SYNE1: variants seen among roughly 807,000 people sequenced by gnomAD.
SYNE1 encodes nesprin-1.
Under a neutral mutation model 1,111.0 loss-of-function variants are expected in SYNE1, and 616 were observed. That is an observed-to-expected ratio of 0.55 (90% confidence interval 0.52 to 0.59). The LOEUF (loss-of-function observed/expected upper bound fraction) is 0.59. Among genes scored for constraint, SYNE1 ranks in the 20% least tolerant of loss-of-function variants. The probability of loss-of-function intolerance (pLI) is 0.00; values close to 1 mark genes in which losing one functional copy is unlikely to be tolerated. For missense variants in SYNE1, 10,006 were observed against 10,417.0 expected (o/e 0.96, Z 1.72); for synonymous variants, 3,855 against 3,825.8 (o/e 1.01, Z -0.28).
At chr6:152,312,334 C>T (rs1206334249) in intron 87 of SYNE1, among the ~76,000 whole-genome samples, 1 of 150,442 alleles carries the variant, frequency 6.6e-6, no homozygotes, top group African/African-American at 2.4e-5. Flanking sequence ...CTCAGCTTCC[C>T]GAGTAGCTGG....
rs1380772436 is a variant in SYNE1 at position 152,594,189 on chromosome 6, C to T, written c.67+34076G>A. Among the ~76,000 whole-genome samples, 5 of 152,244 alleles carry T rather than the reference C, an allele frequency of 3.3e-5. No homozygotes were observed. In the South Asian group the frequency reaches 8.3e-4, roughly 25 times the overall value. On this transcript the variant is annotated intron_variant, in intron 3 of 145. Coordinates refer to ENST00000367255, the MANE Select transcript of SYNE1 (RefSeq NM_182961.4). ...GCCATTCTGTGTGGGACAGGGATCA[C>T]TGTAAGGAATAGTCATAAGACTGAT...
intron 3 of SYNE1, among the ~76,000 whole-genome samples, chr6:152,622,620 G>A (rs1451138317): frequency 1.3e-5 from 2 of 152,114 alleles, no homozygotes; most frequent in Admixed American, 1.3e-4. Context: ...TGGCTGCATA[G>A]TATTCCATGG....
intron 93 of SYNE1, among the ~76,000 whole-genome samples, chr6:152,298,556 C>G (rs1036088245): frequency 6.6e-6 from 1 of 151,062 alleles, no homozygotes; most frequent in Admixed American, 6.6e-5. Context: ...ACAGCAGGCA[C>G]AAAACCTTTT....
At chr6:152,439,301 C>T (rs538343259) in intron 32 of SYNE1, among the ~76,000 whole-genome samples, 2 of 152,290 alleles carry the variant, frequency 1.3e-5, no homozygotes, top group Admixed American at 1.3e-4. Context: ...GAAACTCTGG[C>T]TGGAACGTGG....
intron 2 of SYNE1, 58 bp from the exon 3 acceptor site, chr6:152,628,612 A>C (rs1307866634): frequency 2.3e-6 from 1 of 433,396 alleles, no homozygotes; most frequent in East Asian, 3.9e-5. Flanking sequence ...AGGTCACCAC[A>C]GTGCTAAAAG....
In SYNE1 at chr6:152,121,970, G is replaced by GT. The variant is rs2051491755; in HGVS notation, c.*465dup. 2 of 167,182 alleles carry GT rather than the reference G, an allele frequency of 1.2e-5. No homozygotes were observed. The highest frequency in any genetic ancestry group is 1.5e-4 in the East Asian group (1 of 6,464). The allele number at this position is 167,182 out of a possible 1,614,324, so 10.4% of individuals were successfully genotyped here. Reference sequence around the variant, plus strand: ...GCTGCCATATAAGCTCTTAAAAATTGTATGTTACAAGGTTCTAAAATCTCT... The same window carrying GT: ...GCTGCCATATAAGCTCTTAAAAATTGTTATGTTACAAGGTTCTAAAATCTCT... On this transcript the variant is annotated 3_prime_UTR_variant, in exon 146 of 146. Transcript: ENST00000367255.
intron 133 of SYNE1, among the ~76,000 whole-genome samples, chr6:152,154,445 T>TACACACACACACAC (rs56398921): frequency 7.0e-6 from 1 of 143,176 alleles, no homozygotes; most frequent in African/African-American, 2.6e-5. Flanking sequence ...TTTTATCAAA[T>TACACACACACACAC]ACACACACAC....
intron 49 of SYNE1, among the ~76,000 whole-genome samples, chr6:152,397,243 C>T (rs2097748589): frequency 6.6e-6 from 1 of 152,196 alleles, no homozygotes; most frequent in Non-Finnish European, 1.5e-5. Flanking sequence ...TTCTCAGTCT[C>T]TCCCCATTCT....
At chr6:152,551,158 C>CA (rs956723139) in intron 3 of SYNE1, among the ~76,000 whole-genome samples, 15 of 152,012 alleles carry the variant, frequency 9.9e-5, no homozygotes, top group Non-Finnish European at 2.9e-5. Context: ...ATGAAAATAC[C>CA]TTTTACCTTG....
chr6:152,335,154 A>T (rs1234519005), intron 76 of SYNE1: 1 of 152,206 alleles, frequency 6.6e-6, no homozygotes, highest in Non-Finnish European at 1.5e-5. Flanking sequence ...ATACTTCCCC[A>T]CTGCTCACTC....
At chr6:152,435,715 G>T in intron 33 of SYNE1, 1 of 602,284 alleles carries the variant, frequency 1.7e-6, no homozygotes, top group Non-Finnish European at 2.9e-6. Flanking sequence ...AACATGATCA[G>T]TTTAAGATGC....
intron 127 of SYNE1, among the ~76,000 whole-genome samples, chr6:152,201,010 C>T (rs1418938301): frequency 1.3e-5 from 2 of 152,100 alleles, no homozygotes; most frequent in African/African-American, 4.8e-5. Context: ...TAATTAAAAC[C>T]CAAGTCATTT....
At chr6:152,366,019 A>G (rs2097070063) in intron 62 of SYNE1, among the ~76,000 whole-genome samples, 2 of 152,110 alleles carry the variant, frequency 1.3e-5, no homozygotes, top group Non-Finnish European at 2.9e-5. Context: ...TTGCCAAAAT[A>G]ATTCTCCCTA....
intron 3 of SYNE1, among the ~76,000 whole-genome samples, chr6:152,604,399 C>T (rs2099605634): frequency 6.6e-6 from 1 of 151,998 alleles, no homozygotes; most frequent in Admixed American, 6.6e-5. Context: ...ACCTCCTGGG[C>T]TCAGGTGATC....
At chr6:152,374,899 A>G (rs1176775096) in intron 58 of SYNE1, among the ~76,000 whole-genome samples, 4 of 151,732 alleles carry the variant, frequency 2.6e-5, no homozygotes, top group African/African-American at 9.7e-5. Flanking sequence ...AACGGGAAGA[A>G]TTTTACATTT....
chr6:152,235,979 G>T, intron 110 of SYNE1, 128 bp downstream of exon 110: 1 of 994,376 alleles, frequency 1.0e-6, no homozygotes, highest in Non-Finnish European at 1.6e-6. Flanking sequence ...CTGGCCTCAA[G>T]CAGTCCTCCC....
intron 32 of SYNE1, among the ~76,000 whole-genome samples, chr6:152,437,437 T>C (rs2098483835): frequency 6.6e-6 from 1 of 152,190 alleles, no homozygotes; most frequent in Admixed American, 6.5e-5. Flanking sequence ...ATCTTACTTT[T>C]AAAGTGCCTA....
chr6:152,531,145 T>C (rs570025246), intron 4 of SYNE1, among the ~76,000 whole-genome samples: 1 of 152,244 alleles, frequency 6.6e-6, no homozygotes, highest in African/African-American at 2.4e-5. Context: ...AATTTGGATA[T>C]GCCAACAAGA....
At chr6:152,352,740 T>C (rs7776076) in intron 69 of SYNE1, among the ~76,000 whole-genome samples, 87,152 of 151,658 alleles carry the variant, frequency 0.57, 25,164 homozygotes, top group East Asian at 0.62. Context: ...TCTCAAGGCC[T>C]GTTTTTAAGT....
Sources: allele counts gnomAD v4.1 joint callset (sites outside exome capture counted in the v4.1 genomes callset), GRCh38; gene constraint gnomAD v4.1.1; transcripts MANE v1.5; gene names NCBI Gene and HGNC (gene_info 2026-07-23, HGNC 2026-07-21).